The following SIK3 variants were observed in gnomAD, a reference collection of about 807,000 sequenced individuals.
SIK3 encodes the protein serine/threonine-protein kinase SIK3.
In SIK3, 28 loss-of-function variants were observed where a neutral mutation model predicts 144.2. That is an observed-to-expected ratio of 0.19 (90% CI 0.14 to 0.27). The LOEUF (loss-of-function observed/expected upper bound fraction) is 0.27, where lower values mean the gene tolerates loss of function less well. Ranked by LOEUF, SIK3 falls within the 10% of genes least tolerant of loss-of-function variation. The pLI is 1.00. For missense variants in SIK3, 1,319 were observed against 1,776.0 expected, an observed-to-expected ratio of 0.74 and a Z score of 4.62; for synonymous variants, 686 against 676.3, an observed-to-expected ratio of 1.01 and a Z score of -0.22.
intron 1 of SIK3, among the ~76,000 whole-genome samples, chr11:117,040,642 G>A (rs905978738): frequency 1.3e-5 from 2 of 152,104 alleles, no homozygotes; most frequent in South Asian, 2.1e-4. Context: ...AAGTAGAGGA[G>A]AACATTCCAC....
chr11:116,896,285 C>A lies in SIK3; in HGVS notation c.833G>T (p.Gly278Val). ...LQNLRARVLS[G>V]KFRIPFFMST... ...CATAAAAAATGGGATGCGGAACTTT[C>A]CACTCAGCACGCGGGCCCGCAGATT... The change falls in exon 6 of 25, where the codon GGA becomes GTA. Residue 278 changes from glycine to valine, a missense_variant. By Grantham distance (109) the Gly-to-Val change is moderately radical. Coordinates refer to ENST00000445177, the MANE Select transcript of SIK3 (RefSeq NM_001366686.3). The A allele has an allele frequency of 6.2e-7, 1 of 1,613,932 alleles. No homozygotes were observed. The highest frequency in any genetic ancestry group is 8.5e-7 in the Non-Finnish European group (1 of 1,179,864).
intron 1 of SIK3, among the ~76,000 whole-genome samples, chr11:117,017,850 A>C (rs1951601843): frequency 6.6e-6 from 1 of 152,226 alleles, no homozygotes; most frequent in Non-Finnish European, 1.5e-5. Context: ...AAATTAAACA[A>C]TATTTGTAAA....
intron 1 of SIK3, among the ~76,000 whole-genome samples, chr11:117,013,911 G>GTGTGTGTGTGTGTGTGTAT (rs1565556646): frequency 3.5e-5 from 1 of 28,444 alleles, no homozygotes; most frequent in African/African-American, 7.8e-5. Context: ...GGGGGGGGGG[G>GTGTGTGTGTGTGTGTGTAT]GAGGGTGTGT....
intron 4 of SIK3, among the ~76,000 whole-genome samples, chr11:116,916,266 C>T (rs1309334237): frequency 1.3e-5 from 2 of 152,092 alleles, no homozygotes; most frequent in African/African-American, 4.8e-5. Context: ...AGATGAAATA[C>T]CCATGCCTAC....
intron 1 of SIK3, among the ~76,000 whole-genome samples, chr11:117,080,919 G>A: frequency 6.6e-6 from 1 of 152,132 alleles, no homozygotes; most frequent in East Asian, 1.9e-4. Flanking sequence ...TTGCACTCCA[G>A]CATGGGTGAC....
intron 1 of SIK3, among the ~76,000 whole-genome samples, chr11:117,022,891 T>C (rs1951836181): frequency 6.6e-6 from 1 of 151,820 alleles, no homozygotes; most frequent in Non-Finnish European, 1.5e-5. Context: ...AAAAACCCAC[T>C]TCCATCTTAC....
chr11:117,075,385 C>A lies in SIK3; in HGVS notation c.273+22758G>T, dbSNP rs192407155. On this transcript the variant is annotated intron_variant, in intron 1 of 24. Coordinates refer to ENST00000445177, the MANE Select transcript of SIK3 (RefSeq NM_001366686.3). ...GACAACTCATTTCCTGGGCCAGCCT[C>A]AAACTCACAATTACCACCACCTAAA... 3.9e-5 allele frequency among the ~76,000 whole-genome samples: 6 copies of A among 152,284 alleles called. No individual in the cohort carries two copies. In the East Asian group the frequency reaches 1.2e-3, roughly 29 times the overall value.
intron 17 of SIK3, 130 bp from the exon 18 acceptor site, chr11:116,862,056 G>A: frequency 7.6e-7 from 1 of 1,310,520 alleles, no homozygotes; most frequent in Non-Finnish European, 1.1e-6. Flanking sequence ...TTCACCAGAA[G>A]GTCTGATTAC....
At chr11:117,026,944 G>A (rs1167532912) in intron 1 of SIK3, among the ~76,000 whole-genome samples, 1 of 152,148 alleles carries the variant, frequency 6.6e-6, no homozygotes, top group Non-Finnish European at 1.5e-5. Context: ...ACAAGTAAGG[G>A]GGTAAAAACA....
chr11:116,904,193 T>C (rs1945892462), intron 4 of SIK3, among the ~76,000 whole-genome samples: 1 of 152,008 alleles, frequency 6.6e-6, no homozygotes, highest in Admixed American at 6.6e-5. Flanking sequence ...GAAGCAGAAC[T>C]TGGTTGAATG....
chr11:116,891,662 AAG>A (rs141597034), intron 6 of SIK3, among the ~76,000 whole-genome samples: 21,940 of 152,024 alleles, frequency 0.14, 2,269 homozygotes, highest in East Asian at 0.52. Context: ...GTGTTTAAGT[AAG>A]AGAGAGAGAA....
At position 116,867,459 on chromosome 11, in the gene SIK3, C is replaced by T. The variant is rs1943708979; in HGVS notation, c.1952+487G>A. Among the ~76,000 whole-genome samples the T allele has an allele frequency of 2.0e-5, 3 of 152,172 alleles. No individual in the cohort carries two copies. Among genetic ancestry groups the T allele is most frequent in the South Asian group, 4.1e-4 (2 of 4,822 alleles). On this transcript the variant is annotated intron_variant, in intron 15 of 24. Transcript: ENST00000445177. The surrounding 1 kb of genome is among the most constrained non-coding windows in gnomAD (Gnocchi z 4.1). ...TGAAAGAATGACCTCTTAAATACAT[C>T]GCTCAAGAGGATCTCTGCTCTACTA...
intron 1 of SIK3, among the ~76,000 whole-genome samples, chr11:116,960,450 T>A (rs1338083422): frequency 6.6e-6 from 1 of 152,072 alleles, no homozygotes; most frequent in Non-Finnish European, 1.5e-5. Context: ...TGCATGAGCC[T>A]AGCAAGGGTG....
At chr11:116,930,134 G>A (rs1947520063) in intron 3 of SIK3, among the ~76,000 whole-genome samples, 1 of 151,174 alleles carries the variant, frequency 6.6e-6, no homozygotes, top group South Asian at 2.1e-4. Flanking sequence ...TAGCCATTGT[G>A]TTTAGGGTTC....
chr11:116,908,191 C>T (rs1946150486), intron 4 of SIK3, among the ~76,000 whole-genome samples: 1 of 152,136 alleles, frequency 6.6e-6, no homozygotes. Flanking sequence ...AAATAAAGGA[C>T]TCGGCTGGAC....
chr11:116,904,598 ATTTCAATTGT>A (rs1239149562), intron 4 of SIK3: 1 of 151,992 alleles, frequency 6.6e-6, no homozygotes, highest in Non-Finnish European at 1.5e-5. Context: ...TACTGCTTTT[ATTTCAATTGT>A]TTTTTCCCTA....
chr11:117,048,347 C>T (rs1953057046), intron 1 of SIK3, among the ~76,000 whole-genome samples: 2 of 152,148 alleles, frequency 1.3e-5, no homozygotes, highest in Admixed American at 1.3e-4. Flanking sequence ...TTTAATTATA[C>T]AGACATAAGG....
At chr11:116,969,924 T>C (rs1045072740) in intron 1 of SIK3, among the ~76,000 whole-genome samples, 12 of 152,172 alleles carry the variant, frequency 7.9e-5, no homozygotes, top group Non-Finnish European at 1.6e-4. Flanking sequence ...TTTGTGACCT[T>C]GGGAAAATCA....
chr11:116,863,520 C>A, intron 16 of SIK3, 148 bp downstream of exon 16: 1 of 1,193,438 alleles, frequency 8.4e-7, no homozygotes. Flanking sequence ...GGATCCACTG[C>A]GCCCGGCCCA....
Sources: gnomAD v4.1 joint callset for allele counts (sites outside exome capture counted in the v4.1 genomes callset) on GRCh38, gnomAD v4.1.1 for gene constraint, Gnocchi (gnomAD v3.1) non-coding constraint, MANE v1.5 for transcripts, NCBI Gene and HGNC (gene_info 2026-07-23, HGNC 2026-07-21) for gene names.